PCDHA7: variants seen among roughly 807,000 people sequenced by gnomAD.
PCDHA7 encodes the protein protocadherin alpha-7.
A neutral mutation model predicts 57.2 loss-of-function variants in PCDHA7; 37 were observed. The observed-to-expected ratio is 0.65, with a 90% CI of 0.50 to 0.85. The LOEUF is 0.85. PCDHA7 is among the 40% of genes least tolerant of loss of function. PCDHA7 has a pLI of 0.00. For missense variants in PCDHA7, 1,188 were observed against 1,241.8 expected, an observed-to-expected ratio of 0.96 and a Z score of 0.65; for synonymous variants, 553 against 558.8, an observed-to-expected ratio of 0.99 and a Z score of 0.15.
chr5:140,901,907 A>C (rs1204627106), intron 1 of PCDHA7, among the ~76,000 whole-genome samples: 1 of 150,942 alleles, frequency 6.6e-6, no homozygotes, highest in African/African-American at 2.4e-5. Context: ...CATTGTGGAG[A>C]TCTTTCACTT....
chr5:140,848,258 T>G, intron 1 of PCDHA7: 1 of 479,224 alleles, frequency 2.1e-6, no homozygotes, highest in Non-Finnish European at 3.7e-6. Context: ...AACTGTGAAA[T>G]TTTTATTCAT....
At chr5:140,904,729 TA>T (rs1313627737) in intron 1 of PCDHA7, among the ~76,000 whole-genome samples, 4 of 152,162 alleles carry the variant, frequency 2.6e-5, no homozygotes, top group East Asian at 1.9e-4. Context: ...CAACATCTAT[TA>T]TTTTTTTATT....
At chr5:140,851,471 A>G in intron 1 of PCDHA7, 5 of 893,550 alleles carry the variant, frequency 5.6e-6, no homozygotes, top group Non-Finnish European at 6.8e-6. Context: ...ATGTCAATAA[A>G]TGTTATAAAC....
chr5:140,968,694 G>A, intron 1 of PCDHA7: 1 of 1,614,092 alleles, frequency 6.2e-7, no homozygotes, highest in Non-Finnish European at 8.5e-7. Flanking sequence ...GGAGAAATTA[G>A]GACTACCAGG....
At chr5:140,877,091 C>G (rs782722834) in intron 1 of PCDHA7, 2 of 1,613,252 alleles carry the variant, frequency 1.2e-6, no homozygotes, top group African/African-American at 1.3e-5. Flanking sequence ...GCGCGCGACG[C>G]CGGCGTGCCG....
chr5:140,986,656 C>T (rs141575317), intron 3 of PCDHA7, among the ~76,000 whole-genome samples: 2 of 152,290 alleles, frequency 1.3e-5, no homozygotes, highest in East Asian at 1.9e-4. Context: ...GTGGGAGATG[C>T]TCACAGTTTT....
chr5:140,927,098 A>G (rs1554204018), intron 1 of PCDHA7: 4 of 1,613,286 alleles, frequency 2.5e-6, no homozygotes, highest in Non-Finnish European at 3.4e-6. Flanking sequence ...TTCGGGGTGG[A>G]TCTACCCAGC....
chr5:140,857,826 T>G, intron 1 of PCDHA7: 1 of 1,597,464 alleles, frequency 6.3e-7, no homozygotes, highest in Non-Finnish European at 8.6e-7. Context: ...GTGGCTAAGG[T>G]GCGCGCAGTG....
At chr5:140,890,526 ATCT>A (rs2062679933) in intron 1 of PCDHA7, among the ~76,000 whole-genome samples, 1 of 151,278 alleles carries the variant, frequency 6.6e-6, no homozygotes, top group Admixed American at 6.6e-5. Flanking sequence ...TCCTTTGTTG[ATCT>A]TCTTTTGAAA....
At chr5:140,944,870 A>T (rs2093703572) in intron 1 of PCDHA7, among the ~76,000 whole-genome samples, 1 of 152,058 alleles carries the variant, frequency 6.6e-6, no homozygotes, top group Non-Finnish European at 1.5e-5. Flanking sequence ...TATCTTAACC[A>T]CCTACTCCAC....
chr5:140,978,526 A>G (rs1197468187), intron 1 of PCDHA7, among the ~76,000 whole-genome samples: 5 of 152,248 alleles, frequency 3.3e-5, no homozygotes, highest in Admixed American at 2.0e-4. Flanking sequence ...CAGCCAGGCC[A>G]GCAGAACTTG....
At position 140,928,189 on chromosome 5, in the gene PCDHA7, G is replaced by GTGA. The variant is rs1321549982; in HGVS notation, c.2356-50758_2356-50757insATG. On this transcript the variant is annotated intron_variant, in intron 1 of 3. Transcript: ENST00000525929. The stretch of plus-strand genomic sequence containing the variant: ...ACTTAGCACCCGAAGGACAATCACT[G>GTGA]TGTCAGTTGCTGATGTGAATGACAA... 5 of 1,614,096 alleles carry GTGA rather than the reference G, an allele frequency of 3.1e-6. No homozygotes were observed. In the East Asian group the frequency reaches 8.9e-5, roughly 29 times the overall value.
chr5:140,929,511 G>T, intron 1 of PCDHA7: 1 of 781,088 alleles, frequency 1.3e-6, no homozygotes, highest in Non-Finnish European at 1.8e-6. Flanking sequence ...AGGCCTCAAG[G>T]GACTTATAGT....
intron 1 of PCDHA7, among the ~76,000 whole-genome samples, chr5:140,904,556 T>A (rs1360933277): frequency 5.3e-5 from 8 of 151,780 alleles, no homozygotes; most frequent in Admixed American, 5.3e-4. Context: ...ATATAATGAC[T>A]TTTTTTTCCT....
chr5:140,901,249 C>T (rs1554189685), intron 1 of PCDHA7, among the ~76,000 whole-genome samples: 1 of 151,994 alleles, frequency 6.6e-6, no homozygotes, highest in Admixed American at 6.6e-5. Flanking sequence ...TCCTTTGGTT[C>T]CCTGTGATTG....
At chr5:140,871,215 C>T (rs782542021) in intron 1 of PCDHA7, 2 of 1,613,854 alleles carry the variant, frequency 1.2e-6, no homozygotes, top group Non-Finnish European at 1.7e-6. Flanking sequence ...TCGCCATCTG[C>T]GTGGTGTCCA....
In PCDHA7 at chr5:140,856,245, C is replaced by T. The variant is rs782062442; in HGVS notation, c.2355+19507C>T. 5.5e-5 allele frequency: 88 copies of T among 1,597,902 alleles called. 5 individuals are homozygous for T. The South Asian group carries it at 8.8e-4, about 16-fold the overall frequency. On this transcript the variant is annotated intron_variant, in intron 1 of 3. Coordinates refer to ENST00000525929, the MANE Select transcript of PCDHA7 (RefSeq NM_018910.3). ...CTGGTGCAGCGCCTGTTCCGGGTGGCGTCCAAAAGACACGGGGACCTTCTG... is the reference window on the plus strand; with the variant it reads ...CTGGTGCAGCGCCTGTTCCGGGTGGTGTCCAAAAGACACGGGGACCTTCTG...
intron 1 of PCDHA7, chr5:140,877,691 T>G: frequency 6.2e-7 from 1 of 1,613,746 alleles, no homozygotes. Context: ...CCCACGCTGG[T>G]GTGCTCCAGC....
chr5:140,885,161 T>C (rs1554182019), intron 1 of PCDHA7, among the ~76,000 whole-genome samples: 1 of 151,600 alleles, frequency 6.6e-6, no homozygotes, highest in Non-Finnish European at 1.5e-5. Flanking sequence ...TTGTCTCTAC[T>C]TTTTTGTCCT....
Sources: gnomAD v4.1 joint callset for allele counts (sites outside exome capture counted in the v4.1 genomes callset) on GRCh38, gnomAD v4.1.1 for gene constraint, MANE v1.5 for transcripts, NCBI Gene and HGNC (gene_info 2026-07-23, HGNC 2026-07-21) for gene names.